SEZ6L: variants seen among roughly 807,000 people sequenced by gnomAD.
The protein encoded by SEZ6L is seizure 6-like protein.
Under a neutral mutation model 106.2 loss-of-function variants are expected in SEZ6L, and 37 were observed. The observed-to-expected ratio is 0.35, with a 90% confidence interval of 0.27 to 0.46. SEZ6L has a LOEUF of 0.46. Among genes scored for constraint, SEZ6L ranks in the 20% least tolerant of loss-of-function variants. The pLI is 1.00. For missense variants in SEZ6L, 1,172 were observed against 1,332.8 expected (o/e 0.88, Z 1.88); for synonymous variants, 541 against 570.4 (o/e 0.95, Z 0.73).
Position 26,347,443 on chromosome 22 carries a change from G to T in SEZ6L, c.2213-276G>T, listed in dbSNP as rs148677092. Among the ~76,000 whole-genome samples the T allele has an allele frequency of 5.5e-3, 834 of 152,076 alleles. 1 individual carries two copies. Among genetic ancestry groups the T allele is most frequent in the Non-Finnish European group, 7.9e-3 (540 of 67,986 alleles). ...AAAGTGATTGTCCCCCCGTCACACC[G>T]TTAATAAGTGGCAGAGATAGGATTC... On this transcript the variant is annotated intron_variant, in intron 10 of 16. Transcript: ENST00000248933.
chr22:26,294,509 T>C (rs1304766475), intron 3 of SEZ6L, 84 bp downstream of exon 3: 1 of 1,431,988 alleles, frequency 7.0e-7, no homozygotes, highest in African/African-American at 1.4e-5. Context: ...CTTACTGTTA[T>C]GCTAACTAGT....
intron 10 of SEZ6L, among the ~76,000 whole-genome samples, chr22:26,345,601 C>T (rs929422561): frequency 4.6e-5 from 7 of 152,092 alleles, no homozygotes; most frequent in African/African-American, 1.2e-4. Flanking sequence ...AAGCAATTCT[C>T]GAAGCTATTT....
At chr22:26,360,681 G>C (rs1309876389) in intron 12 of SEZ6L, among the ~76,000 whole-genome samples, 1 of 152,156 alleles carries the variant, frequency 6.6e-6, no homozygotes, top group Non-Finnish European at 1.5e-5. Flanking sequence ...TCCCCGACCA[G>C]GGGGCGGGAA....
In SEZ6L at chr22:26,347,881, G is replaced by A; in HGVS notation, c.2375G>A (p.Ser792Asn). Residue 792 changes from serine (S) to asparagine (N), a missense_variant, in exon 11 of 17, where the codon AGC becomes AAC. Physicochemically the swap from Ser to Asn is conservative, Grantham distance 46 (BLOSUM62 1). Coordinates refer to ENST00000248933, the MANE Select transcript of SEZ6L (RefSeq NM_021115.5). ...SDTLTCQWDLSWSSDPPFCEK... is the reference protein window; with the variant it reads ...SDTLTCQWDLNWSSDPPFCEK... ...ACCCTCACCTGCCAGTGGGACCTCA[G>A]CTGGAGCAGCGACCCCCCATTTTGT... 2 of 1,580,022 alleles carry A rather than the reference G, an allele frequency of 1.3e-6. No individual in the cohort carries two copies. Among genetic ancestry groups the A allele is most frequent in the East Asian group, 2.3e-5 (1 of 42,922 alleles).
chr22:26,348,553 G>A (rs183555764), intron 11 of SEZ6L, among the ~76,000 whole-genome samples: 723 of 57,330 alleles, frequency 0.013, 20 homozygotes, highest in Middle Eastern at 0.022. Flanking sequence ...AAGGAAGGAA[G>A]GAAGGAAGGG....
chr22:26,362,659 T>C (rs1407099651), intron 12 of SEZ6L, among the ~76,000 whole-genome samples: 1 of 152,140 alleles, frequency 6.6e-6, no homozygotes. Context: ...GCACTCAAGA[T>C]ATATTTTCTG....
rs663048 is a variant in SEZ6L at position 26,299,111 on chromosome 22, G to T, written c.1290G>T (p.Met430Ile). The change falls in exon 5 of 17, where the codon ATG becomes ATT. Residue 430 changes from methionine to isoleucine, a missense_variant. Met to Ile is a conservative substitution (Grantham distance 10). Around this residue, in one of 4 missense-constraint regions of SEZ6L, gnomAD observed 534 missense variants for 691.0 expected, o/e 0.77. Transcript: ENST00000248933. ...HLGYELQGAK[M>I]LTCINASKPH... ...GCTATGAGCTCCAGGGCGCTAAGATGCTGACATGCATCAATGCCTCCAAGC... is the reference window on the plus strand; with the variant it reads ...GCTATGAGCTCCAGGGCGCTAAGATTCTGACATGCATCAATGCCTCCAAGC... 365,323 of 1,601,428 alleles carry T rather than the reference G, an allele frequency of 0.23. 44,203 individuals are homozygous for T. Among genetic ancestry groups the T allele is most frequent in the African/African-American group, 0.33 (24,191 of 74,324 alleles).
intron 1 of SEZ6L, among the ~76,000 whole-genome samples, chr22:26,255,299 T>A (rs963056480): frequency 2.2e-4 from 33 of 152,182 alleles, no homozygotes; most frequent in Non-Finnish European, 2.8e-4. Flanking sequence ...TTTGCTTCCC[T>A]CGGGAGCCTG....
At chr22:26,345,385 C>A (rs561064616) in intron 10 of SEZ6L, among the ~76,000 whole-genome samples, 1 of 152,296 alleles carries the variant, frequency 6.6e-6, no homozygotes, top group South Asian at 2.1e-4. Flanking sequence ...CCCACGGGAG[C>A]GTGCAGCCAT....
rs182212316 is a variant in SEZ6L, at chr22:26,318,100, G to A, written c.2015+4198G>A. ...TTATTTTATTTTATTTTTTGTGATA[G>A]AGTCTCACTGTCACCCAGGCTGGAG... On this transcript the variant is annotated intron_variant, in intron 9 of 16. Transcript: ENST00000248933. 2.6e-3 allele frequency among the ~76,000 whole-genome samples: 317 copies of A among 122,904 alleles called. 10 individuals carry two copies. In the Admixed American group the frequency reaches 0.026, roughly 10 times the overall value. 80.6% of individuals were successfully genotyped at this position (122,904 alleles called of 152,430 possible).
chr22:26,209,127 A>C (rs1941465629), intron 1 of SEZ6L, among the ~76,000 whole-genome samples: 1 of 152,130 alleles, frequency 6.6e-6, no homozygotes, highest in East Asian at 1.9e-4. Flanking sequence ...GATACTTTCT[A>C]TCTTTTCATT....
intron 1 of SEZ6L, among the ~76,000 whole-genome samples, chr22:26,291,019 G>T (rs1239886968): frequency 1.3e-5 from 2 of 152,234 alleles, no homozygotes; most frequent in Non-Finnish European, 2.9e-5. Context: ...GGAAGATGGT[G>T]CTGAGATTCC....
chr22:26,375,520 C>G (rs1460398769), intron 14 of SEZ6L, 55 bp from the exon 15 acceptor site: 2 of 1,455,664 alleles, frequency 1.4e-6, no homozygotes, highest in African/African-American at 1.4e-5. Context: ...CAGTTGGGCA[C>G]TCACTGGGAG....
chr22:26,213,084 C>A lies in SEZ6L; in HGVS notation c.94+43321C>A, dbSNP rs147653873. Among the ~76,000 whole-genome samples, 14 of 152,290 alleles carry A rather than the reference C, an allele frequency of 9.2e-5. No individual in the cohort carries two copies. The East Asian group carries it at 2.7e-3, about 29-fold the overall frequency. On this transcript the variant is annotated intron_variant, in intron 1 of 16. Transcript: ENST00000248933. Reference sequence around the variant, plus strand: ...ATCCTGGAGGATGGGGATGCTTAGGCTCCCTACATTCCTCCCACTAATAAT... The same window carrying A: ...ATCCTGGAGGATGGGGATGCTTAGGATCCCTACATTCCTCCCACTAATAAT...
Position 26,328,941 on chromosome 22 carries a change from T to G in SEZ6L, c.2016-11495T>G, listed in dbSNP as rs79015256. ...TGGGAATGGGAGTTTTAAGTGACACTAATTCCCAGTCTCCACCCCCAGGGT... is the reference window on the plus strand; with the variant it reads ...TGGGAATGGGAGTTTTAAGTGACACGAATTCCCAGTCTCCACCCCCAGGGT... On this transcript the variant is annotated intron_variant, in intron 9 of 16. Transcript: ENST00000248933. Among the ~76,000 whole-genome samples the G allele has an allele frequency of 5.4e-3, 819 of 152,182 alleles. 3 individuals are homozygous for G. Among genetic ancestry groups the G allele is most frequent in the Non-Finnish European group, 8.1e-3 (548 of 67,996 alleles).
At chr22:26,176,401 A>G (rs1425336476) in intron 1 of SEZ6L, among the ~76,000 whole-genome samples, 2 of 152,268 alleles carry the variant, frequency 1.3e-5, no homozygotes, top group Non-Finnish European at 2.9e-5. Context: ...TTTCTCATCC[A>G]GTGGCAAATG....
At chr22:26,241,954 T>G (rs143400316) in intron 1 of SEZ6L, among the ~76,000 whole-genome samples, 285 of 152,270 alleles carry the variant, frequency 1.9e-3, no homozygotes, top group African/African-American at 6.3e-3. Flanking sequence ...TGGTGCACAT[T>G]GAGGAGAGCC....
At chr22:26,372,340 G>A (rs915904850) in intron 13 of SEZ6L, among the ~76,000 whole-genome samples, 6 of 152,178 alleles carry the variant, frequency 3.9e-5, no homozygotes, top group Non-Finnish European at 7.4e-5. Context: ...AGATTCCATG[G>A]ACATTCACGC....
chr22:26,335,414 C>G (rs1239088986), intron 9 of SEZ6L, among the ~76,000 whole-genome samples: 2 of 152,190 alleles, frequency 1.3e-5, no homozygotes, highest in Non-Finnish European at 2.9e-5. Context: ...CCTCCCTCAA[C>G]TGTGCTCCTC....
Sources: allele counts gnomAD v4.1 joint callset (sites outside exome capture counted in the v4.1 genomes callset), GRCh38; gene constraint gnomAD v4.1.1; regional missense constraint gnomAD v4.1.1; transcripts MANE v1.5; gene names NCBI Gene and HGNC (gene_info 2026-07-23, HGNC 2026-07-21).